The following CERT1 variants were observed in gnomAD, a reference collection of about 807,000 sequenced individuals.
CERT1 encodes ceramide transfer protein.
In CERT1, 31 loss-of-function variants were observed where a neutral mutation model predicts 87.9. The ratio of observed to expected loss-of-function variants is 0.35; its 90% CI spans 0.27 to 0.48. The LOEUF (loss-of-function observed/expected upper bound fraction) is 0.48, where lower values mean the gene tolerates loss of function less well. Among genes scored for constraint, CERT1 ranks in the 20% least tolerant of loss-of-function variants. The pLI is 0.99. For synonymous variants in CERT1, 289 were observed against 250.9 expected, an observed-to-expected ratio of 1.15 and a Z score of -1.44; for missense variants, 487 against 758.0, an observed-to-expected ratio of 0.64 and a Z score of 4.20.
intron 2 of CERT1, among the ~76,000 whole-genome samples, chr5:75,461,796 C>T (rs1580804637): frequency 1.1e-5 from 1 of 90,784 alleles, no homozygotes; most frequent in Non-Finnish European, 2.2e-5. Flanking sequence ...GTGAATAACA[C>T]AAAAGTTTTA....
chr5:75,432,754 C>T (rs1370041446), intron 3 of CERT1, among the ~76,000 whole-genome samples: 1 of 152,222 alleles, frequency 6.6e-6, no homozygotes, highest in Non-Finnish European at 1.5e-5. Flanking sequence ...TTGGAGACTT[C>T]TTCATGAAAT....
In CERT1 at chr5:75,511,258, C is replaced by T. The variant is rs780957038; in HGVS notation, c.-51G>A. 1 of 1,599,608 alleles carries T rather than the reference C, an allele frequency of 6.3e-7. No homozygotes were observed. ...CCGGCCCCCGCTCCCTCAGCTGCGC[C>T]GGAGGAGGCGCCCAGTCCTCGGGGT... is the stretch of plus-strand genomic sequence containing the variant. On this transcript the variant is annotated 5_prime_UTR_variant, in exon 1 of 17. Coordinates refer to ENST00000643780, the MANE Select transcript of CERT1 (RefSeq NM_001379029.1).
Position 75,511,165 on chromosome 5 carries a change from C to T in CERT1, c.43G>A (p.Asp15Asn). 1 of 1,611,848 alleles carries T rather than the reference C, an allele frequency of 6.2e-7. No individual in the cohort carries two copies. The change falls in exon 1 of 17, where the codon GAT becomes AAT. Residue 15 changes from aspartate to asparagine, a missense_variant. This residue lies in a region of CERT1 where 173 missense variants were observed against 302.2 expected (regional missense o/e 0.57). Coordinates refer to ENST00000643780, the MANE Select transcript of CERT1 (RefSeq NM_001379029.1). Reference sequence around the variant, plus strand: ...GGCGGCCCAGACTCCGTCTCTGGATCCTCCTCCGAGCCCGACGAGTTCCAG... The same window carrying T: ...GGCGGCCCAGACTCCGTCTCTGGATTCTCCTCCGAGCCCGACGAGTTCCAG... ...QSWNSSGSEE[D>N]PETESGPPVE...
At chr5:75,439,300 T>G (rs2112238420) in intron 3 of CERT1, among the ~76,000 whole-genome samples, 1 of 152,144 alleles carries the variant, frequency 6.6e-6, no homozygotes, top group African/African-American at 2.4e-5. Flanking sequence ...ACATTATCAT[T>G]CTGAACAGTT....
At chr5:75,461,603 G>T (rs1447652728) in intron 2 of CERT1, among the ~76,000 whole-genome samples, 1 of 152,074 alleles carries the variant, frequency 6.6e-6, no homozygotes, top group Admixed American at 6.6e-5. Context: ...TTTACATTTT[G>T]TAATGTGTTA....
intron 7 of CERT1, among the ~76,000 whole-genome samples, chr5:75,414,841 G>A (rs1763074573): frequency 6.6e-6 from 1 of 151,970 alleles, no homozygotes; most frequent in South Asian, 2.1e-4. Flanking sequence ...ACTATTTCCT[G>A]CTCATCACTG....
intron 2 of CERT1, among the ~76,000 whole-genome samples, chr5:75,496,219 C>G (rs1038434550): frequency 1.3e-5 from 2 of 150,454 alleles, no homozygotes; most frequent in Admixed American, 1.3e-4. Context: ...CATCATTAGT[C>G]ATTAGGGAAA....
intron 13 of CERT1, 129 bp from the exon 14 acceptor site, chr5:75,384,841 C>T (rs1234277754): frequency 1.8e-5 from 11 of 603,802 alleles, no homozygotes; most frequent in Non-Finnish European, 3.2e-5. Flanking sequence ...ATCTAGGTTA[C>T]ATCCAAATGG....
Position 75,378,730 on chromosome 5 carries a change from G to A in CERT1, c.*616C>T, listed in dbSNP as rs1321211911. ...AGTACATACACAGAAAAATCTGGAG[G>A]AATATACAACAAAAATAACAGTTTC... On this transcript the variant is annotated 3_prime_UTR_variant, in exon 17 of 17. Transcript: ENST00000643780. 6.6e-6 allele frequency: 1 copy of A among 152,098 alleles called. No homozygotes were observed. The highest frequency in any genetic ancestry group is 2.4e-5 in the African/African-American group (1 of 41,418). 9.4% of individuals were successfully genotyped at this position (152,098 alleles called of 1,614,324 possible).
At chr5:75,454,057 G>T (rs937523532) in intron 3 of CERT1, among the ~76,000 whole-genome samples, 8 of 152,314 alleles carry the variant, frequency 5.3e-5, no homozygotes, top group African/African-American at 1.9e-4. Context: ...ATGGCAAGTG[G>T]TGCACTGATG....
chr5:75,425,558 G>A (rs1042418904), intron 4 of CERT1, 59 bp from the exon 5 acceptor site: 1 of 1,547,028 alleles, frequency 6.5e-7, no homozygotes, highest in African/African-American at 1.4e-5. Flanking sequence ...ATTTCATGTG[G>A]TCCTATGGTA....
downstream of CERT1, chr5:75,375,582 AAAATAAATAAATAAATAAATAAATAAAT>A (rs35679444): frequency 7.5e-6 from 1 of 133,866 alleles, no homozygotes. Context: ...ATGCTGTCTC[AAAATAAATAAATAAATAAATAAATAAAT>A]AAATAAATAA....
At chr5:75,505,914 A>G in intron 2 of CERT1, 68 bp downstream of exon 2, 1 of 1,257,572 alleles carries the variant, frequency 8.0e-7, no homozygotes, top group Non-Finnish European at 1.2e-6. Context: ...CTGAACACGT[A>G]GAACAGTTCC....
intron 3 of CERT1, among the ~76,000 whole-genome samples, chr5:75,458,530 A>T (rs6874781): frequency 0.23 from 35,520 of 152,048 alleles, 4,303 homozygotes; most frequent in South Asian, 0.43. Context: ...TATATTTTTG[A>T]TGTAGTTAAC....
At chr5:75,414,268 A>T (rs998444341) in intron 7 of CERT1, among the ~76,000 whole-genome samples, 2 of 152,172 alleles carry the variant, frequency 1.3e-5, no homozygotes, top group Admixed American at 1.3e-4. Context: ...AATAGGAAGG[A>T]GCATGAAGGA....
intron 12 of CERT1, among the ~76,000 whole-genome samples, chr5:75,387,824 T>C (rs1761861449): frequency 6.6e-6 from 1 of 152,218 alleles, no homozygotes; most frequent in African/African-American, 2.4e-5. Flanking sequence ...ACAACGATTG[T>C]TCTCTTTAGA....
chr5:75,452,083 T>C (rs1764790100), intron 3 of CERT1, among the ~76,000 whole-genome samples: 1 of 152,190 alleles, frequency 6.6e-6, no homozygotes, highest in South Asian at 2.1e-4. Flanking sequence ...CTTCTCAGGT[T>C]GAGAATAAAC....
Position 75,503,499 on chromosome 5 carries a change from G to A in CERT1, c.231+2483C>T, listed in dbSNP as rs1387955753. On this transcript the variant is annotated intron_variant, in intron 2 of 16. Transcript: ENST00000643780. ...ACTCATCCTGAGTTCACTGAATTCA[G>A]TTATATTTTTAATTTCCTTTAAATA... is the stretch of plus-strand genomic sequence containing the variant. Among the ~76,000 whole-genome samples the A allele has an allele frequency of 2.0e-5, 3 of 151,940 alleles. No individual in the cohort carries two copies. In the South Asian group the frequency reaches 6.2e-4, roughly 31 times the overall value.
chr5:75,472,744 C>CA (rs1765770684), intron 2 of CERT1, among the ~76,000 whole-genome samples: 1 of 151,600 alleles, frequency 6.6e-6, no homozygotes, highest in African/African-American at 2.4e-5. Flanking sequence ...TGGCTATTAG[C>CA]AAAAAGACAA....
Sources: gnomAD v4.1 joint callset for allele counts (sites outside exome capture counted in the v4.1 genomes callset) on GRCh38, gnomAD v4.1.1 for gene constraint, gnomAD v4.1.1 regional missense constraint, MANE v1.5 for transcripts, NCBI Gene and HGNC (gene_info 2026-07-23, HGNC 2026-07-21) for gene names.